CNPPD1: variants seen among roughly 807,000 people sequenced by gnomAD.
CNPPD1 encodes cyclin Pas1/PHO80 domain containing 1.
Under a neutral mutation model 43.7 loss-of-function variants are expected in CNPPD1, and 40 were observed. That is an observed-to-expected ratio of 0.92 (90% confidence interval 0.71 to 1.19). The LOEUF (loss-of-function observed/expected upper bound fraction) is 1.19. Ranked by LOEUF, CNPPD1 falls within the 50% of genes most tolerant of loss-of-function variation. The pLI is 0.00. For synonymous variants in CNPPD1, 208 were observed against 214.3 expected (o/e 0.97, Z 0.26); for missense variants, 511 against 518.5 (o/e 0.99, Z 0.14).
Position 219,175,591 on chromosome 2 carries a change from C to G in CNPPD1, c.260G>C (p.Arg87Pro), listed in dbSNP as rs767979514. The change falls in exon 3 of 8, where the codon CGG (arginine) becomes CCG (proline). Residue 87 changes from arginine to proline, a missense_variant and splice_region_variant. Transcript: ENST00000360507. ...LQKKYVAHVS[R>P]EACISPCAMM... The stretch of plus-strand genomic sequence containing the variant: ...ATCCTATCCTCATTTCCAGGCTCAC[C>G]GGGACACATGAGCTACATATTTCTT... 6.2e-7 allele frequency: 1 copy of G among 1,612,978 alleles called. No individual in the cohort carries two copies. Among genetic ancestry groups the G allele is most frequent in the East Asian group, 2.2e-5 (1 of 44,862 alleles).
chr2:219,173,117 C>G lies in CNPPD1; in HGVS notation c.702G>C (p.Leu234=), dbSNP rs777948011. ...LCQRLVKLSC[L]LAVAYVSSVA... is the part of the protein sequence containing the mutation. ...CACTGCTCACATATGCCACAGCTAA[C>G]AGGCAAGACAGCTGCAGGAGAGGAG... The change falls in exon 8 of 8, where the codon CTG becomes CTC. Residue 234 remains leucine (L), a synonymous_variant. Coordinates refer to ENST00000360507, the MANE Select transcript of CNPPD1 (RefSeq NM_015680.6). 1 of 1,578,580 alleles carries G rather than the reference C, an allele frequency of 6.3e-7. No individual in the cohort carries two copies. Among genetic ancestry groups the G allele is most frequent in the Non-Finnish European group, 8.6e-7 (1 of 1,164,956 alleles).
intron 3 of CNPPD1, 52 bp downstream of exon 3, chr2:219,175,539 C>T: frequency 7.1e-7 from 1 of 1,414,782 alleles, no homozygotes; most frequent in Non-Finnish European, 9.8e-7. Context: ...AAGACGATTC[C>T]CCTTTCTCTA....
At chr2:219,176,976 C>A (rs1264728187), upstream of CNPPD1, 23 of 628,342 alleles carry the variant, frequency 3.7e-5, no homozygotes, top group Middle Eastern at 3.2e-4. Flanking sequence ...CAGCTCCCTC[C>A]CCCCGGCGGC....
At chr2:219,173,737 G>C (rs1361877421) in intron 6 of CNPPD1, among the ~76,000 whole-genome samples, 3 of 152,154 alleles carry the variant, frequency 2.0e-5, no homozygotes, top group Non-Finnish European at 4.4e-5. Flanking sequence ...CAACATCCTG[G>C]ACTCAAATGA....
In CNPPD1 at chr2:219,173,024, A is replaced by C. The variant is rs1950099260; in HGVS notation, c.795T>G (p.Pro265=). 5 of 1,613,536 alleles carry C rather than the reference A, an allele frequency of 3.1e-6. No individual in the cohort carries two copies. The highest frequency in any genetic ancestry group is 4.2e-6 in the Non-Finnish European group (5 of 1,179,970). ...AGGTCAGTCCAAGGTCAGGCGGCCC[A>C]GGTGTAGGGATGCAGGACAGCCCCA... The part of the protein sequence containing the change: ...QSLGLSCIPT[P]GPPDLGLTSR... Residue 265 remains proline (P), a synonymous_variant, in exon 8 of 8, where the codon CCT becomes CCG. Transcript: ENST00000360507.
At chr2:219,176,979 C>A (rs910361404), upstream of CNPPD1, 23 of 625,896 alleles carry the variant, frequency 3.7e-5, no homozygotes, top group Admixed American at 1.5e-4. Flanking sequence ...CTCCCTCCCC[C>A]CGGCGGCGGA....
chr2:219,174,150 T>C lies in CNPPD1; in HGVS notation c.568A>G (p.Ser190Gly). The C allele has an allele frequency of 6.2e-7, 1 of 1,613,856 alleles. No homozygotes were observed. The highest frequency in any genetic ancestry group is 8.5e-7 in the Non-Finnish European group (1 of 1,179,968). The change falls in exon 6 of 8, where the codon AGC becomes GGC. Residue 190 changes from serine (S) to glycine (G), a missense_variant. By Grantham distance (56) the Ser-to-Gly change is moderately conservative. Coordinates refer to ENST00000360507, the MANE Select transcript of CNPPD1 (RefSeq NM_015680.6). Reference sequence around the variant, plus strand: ...TTCCCAACTCCTAGAACCTACCAGCTCTCCAACCAGCTCAGCACCTCAAAG... The same window carrying C: ...TTCCCAACTCCTAGAACCTACCAGCCCTCCAACCAGCTCAGCACCTCAAAG... ...EIFEVLSWLE[S>G]CVAEQQGRWR...
intron 5 of CNPPD1, 35 bp from the exon 6 acceptor site, chr2:219,174,242 T>C (rs1266026356): frequency 6.2e-7 from 1 of 1,600,802 alleles, no homozygotes; most frequent in African/African-American, 1.3e-5. Flanking sequence ...AAACCAGACT[T>C]GGATGAGCCA....
At position 219,174,830 on chromosome 2, in the gene CNPPD1, C is replaced by G. The variant is rs765780977; in HGVS notation, c.458G>C (p.Gly153Ala). The G allele has an allele frequency of 8.7e-6, 14 of 1,613,860 alleles. No homozygotes were observed. Among genetic ancestry groups the G allele is most frequent in the African/African-American group, 1.3e-5 (1 of 75,058 alleles). Residue 153 changes from glycine to alanine, a missense_variant, in exon 5 of 8, where the codon GGT (glycine) becomes GCT (alanine). Physicochemically the swap from Gly to Ala is moderately conservative, Grantham distance 60. Coordinates refer to ENST00000360507, the MANE Select transcript of CNPPD1 (RefSeq NM_015680.6). Reference sequence around the variant, plus strand: ...GGCATTGAGAGTGGGCACGGCCACACCCCCAGCAGCTCCCCATTCGTCGTT... The same window carrying G: ...GGCATTGAGAGTGGGCACGGCCACAGCCCCAGCAGCTCCCCATTCGTCGTT... ...VFNDEWGAAG[G>A]VAVPTLNALE... is the part of the protein sequence containing the mutation.
At chr2:219,175,412 A>G (rs1950142828) in intron 3 of CNPPD1, among the ~76,000 whole-genome samples, 179 bp downstream of exon 3, 1 of 151,832 alleles carries the variant, frequency 6.6e-6, no homozygotes, top group African/African-American at 2.4e-5. Flanking sequence ...CACAAGAATC[A>G]CTGGAACCCA....
Position 219,176,893 on chromosome 2 carries a change from G to A in CNPPD1, c.-65C>T. ...AAACGAGTTGTAGGGGGCTCGCGGA[G>A]CTGTCCTTGCCCGCCTGTCCACCTG... On this transcript the variant is annotated 5_prime_UTR_variant, in exon 1 of 8. Transcript: ENST00000360507. 1 of 1,392,112 alleles carries A rather than the reference G, an allele frequency of 7.2e-7. No individual in the cohort carries two copies. The highest frequency in any genetic ancestry group is 9.9e-7 in the Non-Finnish European group (1 of 1,010,886). 86.2% of individuals were successfully genotyped at this position (1,392,112 alleles called of 1,614,324 possible). A position where few individuals can be genotyped will look rare whatever the true frequency, so the allele number is the denominator to read the frequency against.
Position 219,176,332 on chromosome 2 carries a change from C to T in CNPPD1, c.70-1G>A. 1.2e-6 allele frequency: 2 copies of T among 1,609,086 alleles called. No individual in the cohort carries two copies. Among genetic ancestry groups the T allele is most frequent in the South Asian group, 1.1e-5 (1 of 90,996 alleles). On this transcript the variant is annotated splice_acceptor_variant, in intron 1 of 7. Coordinates refer to ENST00000360507, the MANE Select transcript of CNPPD1 (RefSeq NM_015680.6). LOFTEE classifies it high-confidence loss of function. The stretch of plus-strand genomic sequence containing the variant: ...TCAGCTTCTGGTGTCCTGGGAGGAA[C>T]TGAAACAGGGCAGGGGCAGCGGAGG...
At chr2:219,176,715 A>C in intron 1 of CNPPD1, 45 bp downstream of exon 1, 2 of 1,342,732 alleles carry the variant, frequency 1.5e-6, no homozygotes, top group Non-Finnish European at 2.1e-6. Context: ...TCAGGCCGGG[A>C]GGGGCGCGCC....
Position 219,176,252 on chromosome 2 carries a change from C to T in CNPPD1, c.149G>A (p.Ser50Asn), listed in dbSNP as rs374847365. Residue 50 changes from serine (S) to asparagine (N), a missense_variant, in exon 2 of 8, where the codon AGC becomes AAC. Coordinates refer to ENST00000360507, the MANE Select transcript of CNPPD1 (RefSeq NM_015680.6). ...CACCGGGCTGGAGAGCTCCTCCAGGCTACAGTCGGCTTCCCAGTCCCAGCC... is the reference window on the plus strand; with the variant it reads ...CACCGGGCTGGAGAGCTCCTCCAGGTTACAGTCGGCTTCCCAGTCCCAGCC... ...YYGWDWEADC[S>N]LEELSSPVAD... 94 of 1,614,114 alleles carry T rather than the reference C, an allele frequency of 5.8e-5. No individual in the cohort carries two copies. The Middle Eastern group carries it at 8.2e-4, about 14-fold the overall frequency.
chr2:219,172,625 C>T lies in CNPPD1; in HGVS notation c.1194G>A (p.Met398Ile). Residue 398 changes from methionine to isoleucine, a missense_variant, in exon 8 of 8, where the codon ATG becomes ATA. By Grantham distance (10) the Met-to-Ile change is conservative. Transcript: ENST00000360507. ...QPQQCSLFSVMELARLKSFVF... is the reference protein window; with the variant it reads ...QPQQCSLFSVIELARLKSFVF... ...CGAAAGACTTGAGGCGAGCCAGCTC[C>T]ATGACACTGAAAAGGGAACATTGCT... 2.5e-6 allele frequency: 4 copies of T among 1,614,182 alleles called. No homozygotes were observed. The highest frequency in any genetic ancestry group is 3.4e-6 in the Non-Finnish European group (4 of 1,180,048).
chr2:219,178,083 C>T (rs1950206333), upstream of CNPPD1: 1 of 218,028 alleles, frequency 4.6e-6, no homozygotes, highest in South Asian at 1.8e-4. Context: ...TAGACCCGGA[C>T]TCGGAACCCG....
rs1950088360 is a variant in CNPPD1, at chr2:219,172,623, T to C, written c.1196A>G (p.Glu399Gly). Residue 399 changes from glutamate to glycine, a missense_variant, in exon 8 of 8, where the codon GAG (glutamate) becomes GGG (glycine). By Grantham distance (98) the Glu-to-Gly change is moderately conservative (BLOSUM62 -2). Transcript: ENST00000360507. Reference protein sequence around the residue: ...PQQCSLFSVMELARLKSFVFP... With the variant: ...PQQCSLFSVMGLARLKSFVFP... ...AACGAAAGACTTGAGGCGAGCCAGC[T>C]CCATGACACTGAAAAGGGAACATTG... is the stretch of plus-strand genomic sequence containing the variant. 4 of 1,614,096 alleles carry C rather than the reference T, an allele frequency of 2.5e-6. No individual in the cohort carries two copies. Among genetic ancestry groups the C allele is most frequent in the Middle Eastern group, 1.6e-4 (1 of 6,062 alleles).
At position 219,173,359 on chromosome 2, in the gene CNPPD1, C is replaced by A; in HGVS notation, c.681G>T (p.Arg227=). 1 of 1,613,168 alleles carries A rather than the reference C, an allele frequency of 6.2e-7. No individual in the cohort carries two copies. Among genetic ancestry groups the A allele is most frequent in the Non-Finnish European group, 8.5e-7 (1 of 1,179,662 alleles). ...WQLALGSLCQ[R]LVKLSCLLAV... is the part of the protein sequence containing the mutation. Reference sequence around the variant, plus strand: ...CCGAGCCCCTCCTCACCTTTACCAGCCGCTGGCAGAGGGAGCCCAGGGCCA... The same window carrying A: ...CCGAGCCCCTCCTCACCTTTACCAGACGCTGGCAGAGGGAGCCCAGGGCCA... Residue 227 remains arginine, a synonymous_variant, in exon 7 of 8, where the codon CGG becomes CGT. Transcript: ENST00000360507.
chr2:219,175,744 G>T, intron 2 of CNPPD1, 72 bp from the exon 3 acceptor site: 1 of 1,276,456 alleles, frequency 7.8e-7, no homozygotes, highest in East Asian at 2.3e-5. Flanking sequence ...CCCACTGCTA[G>T]CAGAAGACCC....
Sources: allele counts gnomAD v4.1 joint callset (sites outside exome capture counted in the v4.1 genomes callset), GRCh38; gene constraint gnomAD v4.1.1; transcripts MANE v1.5; gene names NCBI Gene and HGNC (gene_info 2026-07-23, HGNC 2026-07-21).